ZNF679: variants seen among roughly 807,000 people sequenced by gnomAD.
ZNF679 encodes the protein zinc finger protein 679, also known as hypothetical protein MGC42415.
A neutral mutation model predicts 13.4 loss-of-function variants in ZNF679; 10 were observed. That is an observed-to-expected ratio of 0.75 (90% confidence interval 0.46 to 1.27). The LOEUF (loss-of-function observed/expected upper bound fraction) is 1.27. Ranked by LOEUF, ZNF679 falls within the 50% of genes most tolerant of loss-of-function variation. ZNF679 has a pLI of 0.00. For missense variants in ZNF679, 525 were observed against 477.8 expected (o/e 1.10, Z -0.92); for synonymous variants, 179 against 162.5 (o/e 1.10, Z -0.77).
intron 4 of ZNF679, among the ~76,000 whole-genome samples, chr7:64,263,456 T>C (rs530758852): frequency 1.4e-4 from 21 of 152,138 alleles, no homozygotes; most frequent in Non-Finnish European, 2.6e-4. Context: ...ATAAAAATAT[T>C]GTGTATCCTC....
rs978049006 is a variant in ZNF679, at chr7:64,245,223, G to A, written c.-90-3805G>A. Among the ~76,000 whole-genome samples the A allele has an allele frequency of 2.0e-5, 3 of 152,152 alleles. No individual in the cohort carries two copies. The East Asian group carries it at 5.8e-4, about 29-fold the overall frequency. ...GTATTTTTAGTAGAGACAAGGTTTT[G>A]CCATGTTGGCCAGGCTGGTCTTGAA... On this transcript the variant is annotated intron_variant, in intron 1 of 4. Transcript: ENST00000421025.
At chr7:64,251,891 C>T (rs542754379) in intron 2 of ZNF679, among the ~76,000 whole-genome samples, 3 of 152,214 alleles carry the variant, frequency 2.0e-5, no homozygotes, top group Admixed American at 1.3e-4. Flanking sequence ...AAGCTAATCC[C>T]TTGCGACATT....
chr7:64,243,454 C>A (rs556188128), intron 1 of ZNF679, among the ~76,000 whole-genome samples: 1 of 152,112 alleles, frequency 6.6e-6, no homozygotes, highest in African/African-American at 2.4e-5. Context: ...TCCAGGTAGA[C>A]GACAGTCACA....
intron 1 of ZNF679, among the ~76,000 whole-genome samples, chr7:64,234,683 A>C (rs1787684999): frequency 6.6e-6 from 1 of 152,158 alleles, no homozygotes; most frequent in Admixed American, 6.5e-5. Flanking sequence ...TGGACCCTGA[A>C]CCATAAGTTC....
intron 1 of ZNF679, among the ~76,000 whole-genome samples, chr7:64,236,498 TG>T (rs1045782174): frequency 6.6e-6 from 1 of 150,880 alleles, no homozygotes; most frequent in Non-Finnish European, 1.5e-5. Flanking sequence ...AAAAAGTCTA[TG>T]GGGGCAGGGC....
intron 1 of ZNF679, among the ~76,000 whole-genome samples, chr7:64,237,596 ACAC>A (rs1176830679): frequency 1.3e-5 from 2 of 152,168 alleles, no homozygotes; most frequent in African/African-American, 4.8e-5. Flanking sequence ...GCATTTGCTG[ACAC>A]CAGCCAACTA....
intron 1 of ZNF679, among the ~76,000 whole-genome samples, chr7:64,232,684 C>T (rs1026859441): frequency 6.6e-6 from 1 of 152,038 alleles, no homozygotes; most frequent in African/African-American, 2.4e-5. Context: ...GGTGCTGGGC[C>T]CAGTGATTTT....
chr7:64,248,612 A>G (rs1226338690), intron 1 of ZNF679, among the ~76,000 whole-genome samples: 1 of 152,132 alleles, frequency 6.6e-6, no homozygotes, highest in Non-Finnish European at 1.5e-5. Flanking sequence ...ATTTGGGTGG[A>G]GCCACAGAGC....
At chr7:64,238,856 A>G (rs565718116) in intron 1 of ZNF679, among the ~76,000 whole-genome samples, 2 of 152,232 alleles carry the variant, frequency 1.3e-5, no homozygotes, top group East Asian at 3.9e-4. Flanking sequence ...CCCACAGTTG[A>G]CATGGTGACA....
Position 64,236,318 on chromosome 7 carries a change from T to A in ZNF679, c.-91+7666T>A, listed in dbSNP as rs150891483. ...TTTAAGTTGAATGATTGTCTTATTT[T>A]TATTTTGTATTTACGCTTACAATAA... On this transcript the variant is annotated intron_variant, in intron 1 of 4. Transcript: ENST00000421025. Among the ~76,000 whole-genome samples, 87 of 152,290 alleles carry A rather than the reference T, an allele frequency of 5.7e-4. 1 individual carries two copies. The highest frequency in any genetic ancestry group is 1.2e-3 in the Non-Finnish European group (81 of 68,028).
intron 1 of ZNF679, among the ~76,000 whole-genome samples, chr7:64,235,878 T>G (rs552152942): frequency 6.6e-6 from 1 of 150,504 alleles, no homozygotes; most frequent in Admixed American, 6.7e-5. Context: ...AGAGCAGAGA[T>G]AGATTTCATA....
chr7:64,260,828 A>C lies in ZNF679; in HGVS notation c.167-6A>C, dbSNP rs1788066594. 1 of 1,596,652 alleles carries C rather than the reference A, an allele frequency of 6.3e-7. No homozygotes were observed. The highest frequency in any genetic ancestry group is 1.4e-5 in the African/African-American group (1 of 73,550). ...TTTATGTTACTTTTTTTTCTTAATA[A>C]AACAGGTATTGCTGTCTCTAAGCCA... is the stretch of plus-strand genomic sequence containing the variant. On this transcript the variant is annotated splice_region_variant and splice_polypyrimidine_tract_variant and intron_variant, in intron 3 of 4. Transcript: ENST00000421025.
rs1787652540 is a variant in ZNF679 at position 64,232,446 on chromosome 7, T to C, written c.-91+3794T>C. On this transcript the variant is annotated intron_variant, in intron 1 of 4. Coordinates refer to ENST00000421025, the MANE Select transcript of ZNF679 (RefSeq NM_153363.3). Reference sequence around the variant, plus strand: ...ATCTCTCTTATTGGCTGGGTCCATCTATGACAGTTATCATCATGCCTGTGA... The same window carrying C: ...ATCTCTCTTATTGGCTGGGTCCATCCATGACAGTTATCATCATGCCTGTGA... Among the ~76,000 whole-genome samples, 5 of 152,350 alleles carry C rather than the reference T, an allele frequency of 3.3e-5. No homozygotes were observed. The South Asian group carries it at 1.0e-3, about 32-fold the overall frequency.
intron 2 of ZNF679, among the ~76,000 whole-genome samples, chr7:64,252,601 T>G (rs1466753918): frequency 6.6e-6 from 1 of 152,244 alleles, no homozygotes; most frequent in Non-Finnish European, 1.5e-5. Flanking sequence ...TGAATACATT[T>G]GCACAAGAAA....
At chr7:64,237,444 C>T in intron 1 of ZNF679, among the ~76,000 whole-genome samples, 1 of 152,132 alleles carries the variant, frequency 6.6e-6, no homozygotes, top group East Asian at 1.9e-4. Context: ...CCCCCTGAAC[C>T]CGGATGAGAC....
intron 1 of ZNF679, among the ~76,000 whole-genome samples, chr7:64,235,385 GT>G (rs1787695289): frequency 6.7e-6 from 1 of 148,712 alleles, no homozygotes; most frequent in Non-Finnish European, 1.5e-5. Flanking sequence ...TAAATTTATA[GT>G]GCTATATTGC....
rs1372157545 is a variant in ZNF679, at chr7:64,266,440, A to G, written c.807A>G (p.Thr269=). 7 of 1,611,808 alleles carry G rather than the reference A, an allele frequency of 4.3e-6. No homozygotes were observed. The African/African-American group carries it at 6.7e-5, about 15-fold the overall frequency. The change falls in exon 5 of 5, where the codon ACA becomes ACG. Residue 269 remains threonine, a synonymous_variant. Transcript: ENST00000421025. ...TTCATACTGGAGAAAAACCCTACAC[A>G]TGTGAAGAATGTGGCCAAGCCTTTA... ...RRIHTGEKPY[T]CEECGQAFSR... is the part of the protein sequence containing the mutation.
At position 64,266,235 on chromosome 7, in the gene ZNF679, A is replaced by G. The variant is rs1469040119; in HGVS notation, c.602A>G (p.Gln201Arg). The change falls in exon 5 of 5, where the codon CAA (glutamine) becomes CGA (arginine). Residue 201 changes from glutamine (Q) to arginine (R), a missense_variant. Coordinates refer to ENST00000421025, the MANE Select transcript of ZNF679 (RefSeq NM_153363.3). ...KSFCMVSQLH[Q>R]HQIIHTRENS... is the part of the protein sequence containing the mutation. The stretch of plus-strand genomic sequence containing the variant: ...TTTTGCATGGTTTCACAACTACATC[A>G]ACATCAGATAATTCATACTAGGGAG... 6.3e-7 allele frequency: 1 copy of G among 1,580,502 alleles called. No homozygotes were observed. The highest frequency in any genetic ancestry group is 8.6e-7 in the Non-Finnish European group (1 of 1,161,860).
intron 1 of ZNF679, among the ~76,000 whole-genome samples, chr7:64,247,383 T>C (rs112436830): frequency 0.026 from 3,958 of 152,314 alleles, 165 homozygotes; most frequent in African/African-American, 0.091. Context: ...TGCTGGAATG[T>C]GGCTGGTCTG....
Sources: gnomAD v4.1 joint callset for allele counts (sites outside exome capture counted in the v4.1 genomes callset) on GRCh38, gnomAD v4.1.1 for gene constraint, MANE v1.5 for transcripts, NCBI Gene and HGNC (gene_info 2026-07-23, HGNC 2026-07-21) for gene names.